The following TAFA2 variants were observed in gnomAD, a reference collection of about 807,000 sequenced individuals.
The protein encoded by TAFA2 is chemokine-like protein TAFA-2.
In TAFA2, 7 loss-of-function variants were observed where a neutral mutation model predicts 18.8. That is an observed-to-expected ratio of 0.37 (90% CI 0.21 to 0.70). The LOEUF (loss-of-function observed/expected upper bound fraction) is 0.70, where lower values mean the gene tolerates loss of function less well. TAFA2 is among the 30% of genes least tolerant of loss of function. The pLI is 0.53. For missense variants in TAFA2, 122 were observed against 158.1 expected (o/e 0.77, Z 1.23); for synonymous variants, 60 against 54.2 (o/e 1.11, Z -0.47).
At chr12:61,757,248 T>C (rs1869314831) in intron 2 of TAFA2, among the ~76,000 whole-genome samples, 1 of 151,998 alleles carries the variant, frequency 6.6e-6, no homozygotes, top group African/African-American at 2.4e-5. Context: ...GCAGCTTGGA[T>C]ATATTTCAGT....
At position 61,990,529 on chromosome 12, in the gene TAFA2, C is replaced by T. The variant is rs572937082; in HGVS notation, c.-1-123103G>A. 8.6e-5 allele frequency among the ~76,000 whole-genome samples: 13 copies of T among 151,834 alleles called. 1 individual carries two copies. Among genetic ancestry groups the T allele is most frequent in the South Asian group, 2.1e-4 (1 of 4,810 alleles). ...TAATTTTTTGCATTTTTAATAGAGA[C>T]GGGGTTTCACCATGTTAGCCAGGAT... is the stretch of plus-strand genomic sequence containing the variant. On this transcript the variant is annotated intron_variant, in intron 1 of 4. Coordinates refer to ENST00000416284, the MANE Select transcript of TAFA2 (RefSeq NM_178539.5).
intron 2 of TAFA2, among the ~76,000 whole-genome samples, chr12:61,761,695 T>C (rs1361549205): frequency 6.6e-6 from 1 of 152,102 alleles, no homozygotes; most frequent in Non-Finnish European, 1.5e-5. Flanking sequence ...CACAGAAATG[T>C]AAGTTGGCCA....
At chr12:62,210,569 G>C (rs1411890833) in intron 1 of TAFA2, among the ~76,000 whole-genome samples, 1 of 152,150 alleles carries the variant, frequency 6.6e-6, no homozygotes. Flanking sequence ...GACAAGCATC[G>C]CAGTACATGT....
At chr12:61,774,118 T>A (rs1870152902) in intron 2 of TAFA2, among the ~76,000 whole-genome samples, 1 of 151,818 alleles carries the variant, frequency 6.6e-6, no homozygotes, top group Admixed American at 6.6e-5. Flanking sequence ...TCACTAATTA[T>A]CAGGCAAATG....
Position 61,733,888 on chromosome 12 carries a change from A to T in TAFA2, c.384+19734T>A, listed in dbSNP as rs560715667. 4.1e-3 allele frequency among the ~76,000 whole-genome samples: 615 copies of T among 150,040 alleles called. 2 individuals are homozygous for T. The highest frequency in any genetic ancestry group is 5.7e-3 in the Non-Finnish European group (383 of 67,466). On this transcript the variant is annotated intron_variant, in intron 4 of 4. Transcript: ENST00000416284. ...CAGTATGGCCATTTTCATGATATTG[A>T]TTCTTCCTACCCATGAGCATGGAAT...
intron 4 of TAFA2, among the ~76,000 whole-genome samples, chr12:61,716,791 C>T (rs575270323): frequency 2.9e-4 from 44 of 152,236 alleles, no homozygotes; most frequent in African/African-American, 9.6e-4. Flanking sequence ...CTGATGAGCA[C>T]TCTTTAGTTA....
At chr12:61,857,046 T>C (rs1474244911) in intron 2 of TAFA2, among the ~76,000 whole-genome samples, 1 of 151,920 alleles carries the variant, frequency 6.6e-6, no homozygotes, top group African/African-American at 2.4e-5. Context: ...TTAAAGTTTC[T>C]GCTTTACATT....
At chr12:62,113,684 C>A (rs781468644) in intron 1 of TAFA2, among the ~76,000 whole-genome samples, 1 of 152,156 alleles carries the variant, frequency 6.6e-6, no homozygotes, top group African/African-American at 2.4e-5. Flanking sequence ...TTCAGAGATG[C>A]CCTGCCCAGA....
At chr12:62,059,510 G>A (rs1362761729) in intron 1 of TAFA2, among the ~76,000 whole-genome samples, 1 of 151,928 alleles carries the variant, frequency 6.6e-6, no homozygotes, top group Non-Finnish European at 1.5e-5. Context: ...AGTAAAGTGT[G>A]GTAAGAGATA....
At position 62,001,648 on chromosome 12, in the gene TAFA2, G is replaced by A. The variant is rs116171794; in HGVS notation, c.-1-134222C>T. Among the ~76,000 whole-genome samples, 859 of 152,104 alleles carry A rather than the reference G, an allele frequency of 5.6e-3. 10 individuals are homozygous for A. The highest frequency in any genetic ancestry group is 0.02 in the African/African-American group (819 of 41,492). On this transcript the variant is annotated intron_variant, in intron 1 of 4. Coordinates refer to ENST00000416284, the MANE Select transcript of TAFA2 (RefSeq NM_178539.5). Reference sequence around the variant, plus strand: ...GGCGGTAATGCAAGCAATGGGGAGCGGCTGAAAATACAGACGAAGCTTCAC... The same window carrying A: ...GGCGGTAATGCAAGCAATGGGGAGCAGCTGAAAATACAGACGAAGCTTCAC...
At chr12:61,843,965 A>G (rs769254573) in intron 2 of TAFA2, among the ~76,000 whole-genome samples, 6 of 152,172 alleles carry the variant, frequency 3.9e-5, no homozygotes, top group Non-Finnish European at 8.8e-5. Flanking sequence ...GTTACTTGGA[A>G]AGAGAAAATG....
intron 1 of TAFA2, among the ~76,000 whole-genome samples, chr12:61,912,489 T>C (rs1487284678): frequency 6.6e-6 from 1 of 152,218 alleles, no homozygotes; most frequent in Non-Finnish European, 1.5e-5. Flanking sequence ...ATATTTTTCA[T>C]CAGTCAGCAC....
chr12:61,880,211 G>A (rs1476435507), intron 1 of TAFA2: 5 of 495,148 alleles, frequency 1.0e-5, no homozygotes, highest in African/African-American at 1.9e-5. Context: ...CAGGAAGCAC[G>A]GGGATAACCT....
At chr12:62,134,513 T>C (rs907915876) in intron 1 of TAFA2, among the ~76,000 whole-genome samples, 2 of 151,982 alleles carry the variant, frequency 1.3e-5, no homozygotes, top group Non-Finnish European at 2.9e-5. Context: ...CCTTCCAGCC[T>C]CCAGAGCTGC....
intron 1 of TAFA2, among the ~76,000 whole-genome samples, chr12:62,224,032 G>T (rs1304535064): frequency 3.3e-5 from 5 of 151,106 alleles, no homozygotes; most frequent in African/African-American, 1.2e-4. Context: ...AAGCAACTCA[G>T]GTATCCATCA....
In TAFA2 at chr12:62,050,429, G is replaced by A. The variant is rs140819303; in HGVS notation, c.-2+140830C>T. Among the ~76,000 whole-genome samples, 14 of 151,966 alleles carry A rather than the reference G, an allele frequency of 9.2e-5. No individual in the cohort carries two copies. In the East Asian group the frequency reaches 1.4e-3, roughly 15 times the overall value. ...ACTAAAAAATACAAAAAAATTAGCC[G>A]GGCGTGGTGGCAGGCACCTATAGTC... On this transcript the variant is annotated intron_variant, in intron 1 of 4. Transcript: ENST00000416284.
intron 1 of TAFA2, among the ~76,000 whole-genome samples, chr12:61,976,834 C>G (rs1209679330): frequency 1.3e-5 from 2 of 152,064 alleles, no homozygotes; most frequent in Admixed American, 1.3e-4. Context: ...TCATCCATGT[C>G]CCTGCAAAGG....
chr12:62,109,383 C>A (rs1031231856), intron 1 of TAFA2, among the ~76,000 whole-genome samples: 2 of 152,116 alleles, frequency 1.3e-5, no homozygotes, highest in African/African-American at 2.4e-5. Flanking sequence ...GTTACTGTAG[C>A]CTTGTAGTAT....
intron 1 of TAFA2, among the ~76,000 whole-genome samples, chr12:61,950,393 G>GT (rs1878425650): frequency 6.6e-6 from 1 of 152,130 alleles, no homozygotes; most frequent in Admixed American, 6.5e-5. Flanking sequence ...CAGTGCACAA[G>GT]GGTTTGGAAT....
Sources: gnomAD v4.1 joint callset for allele counts (sites outside exome capture counted in the v4.1 genomes callset) on GRCh38, gnomAD v4.1.1 for gene constraint, MANE v1.5 for transcripts, NCBI Gene and HGNC (gene_info 2026-07-23, HGNC 2026-07-21) for gene names.